ZBTB7C: variants seen among roughly 807,000 people sequenced by gnomAD.
The protein encoded by ZBTB7C is zinc finger and BTB domain containing 7C.
A neutral mutation model predicts 25.7 loss-of-function variants in ZBTB7C; 8 were observed. That is an observed-to-expected ratio of 0.31 (90% CI 0.18 to 0.56). The LOEUF is 0.56. ZBTB7C is among the 20% of genes least tolerant of loss of function. ZBTB7C has a pLI of 0.91. For missense variants in ZBTB7C, 824 were observed against 855.2 expected (o/e 0.96, Z 0.46); for synonymous variants, 394 against 369.0 (o/e 1.07, Z -0.78).
At chr18:48,197,217 G>T (rs929906728) in intron 2 of ZBTB7C, among the ~76,000 whole-genome samples, 43 of 152,022 alleles carry the variant, frequency 2.8e-4, no homozygotes, top group African/African-American at 9.9e-4. Context: ...ATGGAACTAG[G>T]GACCAGATCA....
intron 2 of ZBTB7C, among the ~76,000 whole-genome samples, chr18:48,294,895 T>C (rs539235980): frequency 8.5e-5 from 13 of 152,182 alleles, no homozygotes; most frequent in Non-Finnish European, 1.3e-4. Flanking sequence ...TTTTCATTTA[T>C]ACAACTTCAG....
chr18:48,242,471 A>G (rs1288728128), intron 2 of ZBTB7C, among the ~76,000 whole-genome samples: 2 of 152,214 alleles, frequency 1.3e-5, no homozygotes, highest in Non-Finnish European at 2.9e-5. Flanking sequence ...AACCAATTCC[A>G]ACAGCAGAAT....
chr18:48,251,481 C>A (rs2043855691), intron 2 of ZBTB7C, among the ~76,000 whole-genome samples: 1 of 152,140 alleles, frequency 6.6e-6, no homozygotes, highest in African/African-American at 2.4e-5. Context: ...CAAATCATTT[C>A]CAACAAAAAG....
chr18:48,066,688 T>C (rs2037341915), intron 3 of ZBTB7C, among the ~76,000 whole-genome samples: 1 of 152,208 alleles, frequency 6.6e-6, no homozygotes, highest in African/African-American at 2.4e-5. Flanking sequence ...CTACAGGCCC[T>C]GAGAAATGCT....
At chr18:48,124,273 G>A (rs981396411) in intron 3 of ZBTB7C, among the ~76,000 whole-genome samples, 2 of 152,234 alleles carry the variant, frequency 1.3e-5, no homozygotes, top group African/African-American at 2.4e-5. Context: ...GGCAGGCGGT[G>A]GGAATGGGTC....
At chr18:48,258,192 T>C (rs1275089752) in intron 2 of ZBTB7C, among the ~76,000 whole-genome samples, 2 of 152,228 alleles carry the variant, frequency 1.3e-5, no homozygotes, top group Admixed American at 1.3e-4. Flanking sequence ...CTATCCACTC[T>C]AACTACTCCT....
At chr18:48,374,665 CAG>C (rs1226862593) in intron 1 of ZBTB7C, among the ~76,000 whole-genome samples, 1 of 152,190 alleles carries the variant, frequency 6.6e-6, no homozygotes, top group African/African-American at 2.4e-5. Context: ...AGGTGTTCAC[CAG>C]CCTGGTATTA....
chr18:48,374,487 T>A (rs979959755), intron 1 of ZBTB7C, among the ~76,000 whole-genome samples: 1 of 152,178 alleles, frequency 6.6e-6, no homozygotes, highest in African/African-American at 2.4e-5. Context: ...TTCTTCCTCA[T>A]CTCTGGGGTC....
chr18:48,342,083 C>T (rs1425883760), intron 1 of ZBTB7C, among the ~76,000 whole-genome samples: 1 of 152,244 alleles, frequency 6.6e-6, no homozygotes, highest in African/African-American at 2.4e-5. Flanking sequence ...CCTCCCCCGA[C>T]ATCATATTTC....
At chr18:48,164,193 C>T (rs561170435) in intron 3 of ZBTB7C, among the ~76,000 whole-genome samples, 1 of 152,134 alleles carries the variant, frequency 6.6e-6, no homozygotes, top group African/African-American at 2.4e-5. Flanking sequence ...ACCAAAGGGG[C>T]TTTTGAAATA....
chr18:48,242,404 T>C (rs2043554174), intron 2 of ZBTB7C, among the ~76,000 whole-genome samples: 1 of 152,016 alleles, frequency 6.6e-6, no homozygotes. Context: ...AAAAGAAAAC[T>C]ACAGAACAAT....
intron 2 of ZBTB7C, among the ~76,000 whole-genome samples, chr18:48,266,771 C>A (rs1186856236): frequency 6.6e-6 from 1 of 151,852 alleles, no homozygotes; most frequent in Admixed American, 6.6e-5. Flanking sequence ...AGTTACTTTC[C>A]TTTTATTTCT....
At chr18:48,205,818 G>A (rs2042563965) in intron 2 of ZBTB7C, among the ~76,000 whole-genome samples, 1 of 152,052 alleles carries the variant, frequency 6.6e-6, no homozygotes, top group Non-Finnish European at 1.5e-5. Flanking sequence ...GGGCCCTAGG[G>A]ATCCCTGGCC....
intron 3 of ZBTB7C, among the ~76,000 whole-genome samples, chr18:48,122,588 G>T (rs1412392958): frequency 2.0e-5 from 3 of 152,178 alleles, no homozygotes; most frequent in Non-Finnish European, 4.4e-5. Context: ...GTGAGGGCTG[G>T]GATCACAGTA....
intron 3 of ZBTB7C, among the ~76,000 whole-genome samples, chr18:48,123,164 G>A (rs762944868): frequency 6.6e-6 from 1 of 152,190 alleles, no homozygotes; most frequent in Non-Finnish European, 1.5e-5. Flanking sequence ...ATTGCTTTGT[G>A]ATCACCCATC....
intron 2 of ZBTB7C, among the ~76,000 whole-genome samples, chr18:48,290,337 G>A (rs78696188): frequency 0.049 from 7,535 of 152,268 alleles, 252 homozygotes; most frequent in Non-Finnish European, 0.074. Context: ...AGTCCCAGCC[G>A]TACTAGAAGG....
chr18:48,260,139 C>T (rs566540466), intron 2 of ZBTB7C, among the ~76,000 whole-genome samples: 1 of 152,242 alleles, frequency 6.6e-6, no homozygotes, highest in South Asian at 2.1e-4. Flanking sequence ...GATAAACAAC[C>T]ATGGAATACT....
chr18:48,397,525 T>C (rs372970900), intron 1 of ZBTB7C, among the ~76,000 whole-genome samples: 1 of 152,208 alleles, frequency 6.6e-6, no homozygotes, highest in African/African-American at 2.4e-5. Flanking sequence ...AAGCCTCAGT[T>C]CATCATCTGC....
intron 3 of ZBTB7C, among the ~76,000 whole-genome samples, chr18:48,094,592 T>C (rs1193355767): frequency 6.6e-6 from 1 of 152,172 alleles, no homozygotes; most frequent in Non-Finnish European, 1.5e-5. Context: ...TTGGAAGTAG[T>C]TTAAAAAAAA....
Sources: allele counts gnomAD v4.1 joint callset (sites outside exome capture counted in the v4.1 genomes callset), GRCh38; gene constraint gnomAD v4.1.1; transcripts MANE v1.5; gene names NCBI Gene and HGNC (gene_info 2026-07-23, HGNC 2026-07-21).